Variants in B4GALNT3 observed in about 807,000 individuals in gnomAD.
B4GALNT3 encodes beta-1,4-N-acetyl-galactosaminyltransferase 3.
A neutral mutation model predicts 120.2 loss-of-function variants in B4GALNT3; 86 were observed. The observed-to-expected ratio is 0.72, with a 90% CI of 0.60 to 0.86. B4GALNT3 has a LOEUF of 0.86. B4GALNT3 is among the 40% of genes least tolerant of loss of function. The pLI is 0.00. For synonymous variants in B4GALNT3, 518 were observed against 510.4 expected (o/e 1.01, Z -0.20); for missense variants, 1,167 against 1,298.9 (o/e 0.90, Z 1.56).
chr12:511,219 TACCTTCCACCATCC>T (rs1946546780), intron 1 of B4GALNT3, among the ~76,000 whole-genome samples: 2 of 151,080 alleles, frequency 1.3e-5, no homozygotes, highest in Non-Finnish European at 1.5e-5. Flanking sequence ...TTTTTTTTGG[TACCTTCCACCATCC>T]ACCTTCCACC....
intron 1 of B4GALNT3, among the ~76,000 whole-genome samples, chr12:461,773 G>A (rs1249526779): frequency 6.6e-6 from 1 of 152,120 alleles, no homozygotes; most frequent in African/African-American, 2.4e-5. Context: ...GGTTCAGGTT[G>A]GAAATGTATA....
intron 1 of B4GALNT3, among the ~76,000 whole-genome samples, chr12:515,060 C>A (rs1946639126): frequency 6.6e-6 from 1 of 152,160 alleles, no homozygotes; most frequent in African/African-American, 2.4e-5. Flanking sequence ...GAACCAAAGA[C>A]CTTGAGTTCC....
At chr12:552,292 TACACACAC>T (rs10604398) in intron 12 of B4GALNT3, 129 bp downstream of exon 12, 62,859 of 623,908 alleles carry the variant, frequency 0.1, 950 homozygotes, top group East Asian at 0.21. Flanking sequence ...TCCTGAGTAC[TACACACAC>T]ACACACACAC....
intron 3 of B4GALNT3, among the ~76,000 whole-genome samples, chr12:539,550 AAG>A (rs1276851780): frequency 4.0e-4 from 61 of 151,844 alleles, no homozygotes; most frequent in African/African-American, 1.5e-3. Context: ...AAAAAAAAAA[AAG>A]AAAGAAACAG....
At chr12:535,486 G>A (rs770001236) in intron 2 of B4GALNT3, among the ~76,000 whole-genome samples, 18 of 152,124 alleles carry the variant, frequency 1.2e-4, no homozygotes, top group Non-Finnish European at 1.6e-4. Context: ...CTTTTACTGG[G>A]GCTGCCACTG....
intron 17 of B4GALNT3, 125 bp from the exon 18 acceptor site, chr12:558,383 G>A (rs1441857395): frequency 6.4e-6 from 6 of 932,028 alleles, no homozygotes; most frequent in Admixed American, 2.1e-5. Context: ...CTGCCCAGCA[G>A]CTGGTTTTGT....
At chr12:537,124 A>G (rs545229602) in intron 3 of B4GALNT3, among the ~76,000 whole-genome samples, 1 of 152,344 alleles carries the variant, frequency 6.6e-6, no homozygotes, top group African/African-American at 2.4e-5. Flanking sequence ...ATTATACTCT[A>G]TGAAACTAGT....
intron 1 of B4GALNT3, among the ~76,000 whole-genome samples, chr12:480,533 GC>G (rs1269128966): frequency 3.9e-5 from 2 of 51,706 alleles, no homozygotes; most frequent in Non-Finnish European, 8.2e-5. Context: ...AAATGCATTG[GC>G]CTTAGCACTG....
At position 462,555 on chromosome 12, in the gene B4GALNT3, C is replaced by G. The variant is rs1565584776; in HGVS notation, c.169+2010C>G. 2.6e-5 allele frequency among the ~76,000 whole-genome samples: 4 copies of G among 151,762 alleles called. No homozygotes were observed. In the Admixed American group the frequency reaches 2.6e-4, roughly 10 times the overall value. ...GTTTCCTTATTTTTTATTTTCTTTT[C>G]CAAACCAATTATCCAGAAAACTCTT... On this transcript the variant is annotated intron_variant, in intron 1 of 19. Transcript: ENST00000266383.
At chr12:545,686 G>A (rs546271742) in intron 6 of B4GALNT3, among the ~76,000 whole-genome samples, 5 of 143,066 alleles carry the variant, frequency 3.5e-5, no homozygotes, top group South Asian at 2.4e-4. Flanking sequence ...GGGGAGGAGC[G>A]AGGTGTGGGG....
intron 1 of B4GALNT3, among the ~76,000 whole-genome samples, chr12:513,854 A>C (rs1406778982): frequency 6.6e-6 from 1 of 152,228 alleles, no homozygotes; most frequent in Non-Finnish European, 1.5e-5. Context: ...TTCCCAAAGC[A>C]TGCGGATTAC....
intron 1 of B4GALNT3, among the ~76,000 whole-genome samples, chr12:500,865 C>CTTTTTTTTTTTTTTTTGTTTTTTTT (rs1946433727): frequency 1.6e-5 from 1 of 61,830 alleles, no homozygotes; most frequent in Non-Finnish European, 2.7e-5. Context: ...GGCTCCACTG[C>CTTTTTTTTTTTTTTTTGTTTTTTTT]TTTTTTTTTT....
chr12:536,157 T>C, intron 2 of B4GALNT3, 61 bp from the exon 3 acceptor site: 2 of 1,439,202 alleles, frequency 1.4e-6, no homozygotes, highest in Non-Finnish European at 2.0e-6. Context: ...GTGCCTCCTG[T>C]CCTGCCCGTA....
intron 1 of B4GALNT3, among the ~76,000 whole-genome samples, chr12:522,120 C>T (rs1483649449): frequency 1.3e-5 from 2 of 152,140 alleles, no homozygotes; most frequent in African/African-American, 4.8e-5. Context: ...GCCTGGCCTC[C>T]CTTGGCCTGC....
Position 557,779 on chromosome 12 carries a change from C to T in B4GALNT3, c.2534+18C>T. 2 of 1,591,652 alleles carry T rather than the reference C, an allele frequency of 1.3e-6. No homozygotes were observed. Among genetic ancestry groups the T allele is most frequent in the Non-Finnish European group, 1.7e-6 (2 of 1,172,468 alleles). On this transcript the variant is annotated intron_variant, in intron 16 of 19. Transcript: ENST00000266383. ...CTGCGGAGGTGAGGGGGACCACCAG[C>T]CAGGGGGTGGCATGGGCCACGTCCA...
intron 12 of B4GALNT3, 136 bp from the exon 13 acceptor site, chr12:552,328 CACA>C: frequency 1.1e-6 from 1 of 905,096 alleles, no homozygotes; most frequent in Non-Finnish European, 1.8e-6. Flanking sequence ...CACACACACA[CACA>C]CACACCCGCT....
chr12:495,437 G>A (rs566245532), intron 1 of B4GALNT3, among the ~76,000 whole-genome samples: 23 of 151,960 alleles, frequency 1.5e-4, no homozygotes, highest in African/African-American at 3.9e-4. Flanking sequence ...TCCGCCAAAC[G>A]TACCGTAAGA....
intron 1 of B4GALNT3, among the ~76,000 whole-genome samples, chr12:520,139 G>A (rs774698934): frequency 2.0e-4 from 30 of 152,132 alleles, no homozygotes; most frequent in Non-Finnish European, 4.0e-4. Context: ...TGGGGGTTAG[G>A]GGCAAGACAG....
chr12:504,487 TCTCA>T (rs1946477080), intron 1 of B4GALNT3, among the ~76,000 whole-genome samples: 1 of 141,974 alleles, frequency 7.0e-6, no homozygotes, highest in Non-Finnish European at 1.5e-5. Context: ...TGAGATGGCG[TCTCA>T]CTCTGTTGCC....
Sources: gnomAD v4.1 joint callset for allele counts (sites outside exome capture counted in the v4.1 genomes callset) on GRCh38, gnomAD v4.1.1 for gene constraint, MANE v1.5 for transcripts, NCBI Gene and HGNC (gene_info 2026-07-23, HGNC 2026-07-21) for gene names.